SRPK2: variants seen among roughly 807,000 people sequenced by gnomAD.
SRPK2 encodes the protein SRSF protein kinase 2.
Under a neutral mutation model 90.8 loss-of-function variants are expected in SRPK2, and 21 were observed. The ratio of observed to expected loss-of-function variants is 0.23; its 90% confidence interval spans 0.16 to 0.33. SRPK2 has a LOEUF of 0.33. SRPK2 is among the 10% of genes least tolerant of loss of function. SRPK2 has a pLI of 1.00. For synonymous variants in SRPK2, 288 were observed against 311.1 expected (o/e 0.93, Z 0.78); for missense variants, 620 against 869.0 (o/e 0.71, Z 3.60).
At chr7:105,326,215 C>T (rs1563241787) in intron 2 of SRPK2, among the ~76,000 whole-genome samples, 1 of 152,224 alleles carries the variant, frequency 6.6e-6, no homozygotes, top group Admixed American at 6.5e-5. Flanking sequence ...CTGGCCAAGC[C>T]ACATTACAAC....
At position 105,314,355 on chromosome 7, in the gene SRPK2, C is replaced by T. The variant is rs556941290; in HGVS notation, c.71+74293G>A. Among the ~76,000 whole-genome samples, 3 of 151,888 alleles carry T rather than the reference C, an allele frequency of 2.0e-5. No homozygotes were observed. In the South Asian group the frequency reaches 6.2e-4, roughly 32 times the overall value. ...TTGAAAAATAAACTGGCAAATCCTT[C>T]CCAAAGATTACCTGGGCAACATGTT... On this transcript the variant is annotated intron_variant, in intron 2 of 15. Coordinates refer to ENST00000393651, the MANE Select transcript of SRPK2 (RefSeq NM_182692.3).
intron 2 of SRPK2, among the ~76,000 whole-genome samples, chr7:105,369,570 T>C (rs1461351740): frequency 1.3e-5 from 2 of 152,224 alleles, no homozygotes; most frequent in African/African-American, 2.4e-5. Flanking sequence ...CTATACACGA[T>C]GTATTTCATC....
chr7:105,180,754 T>C (rs192931602), intron 3 of SRPK2, among the ~76,000 whole-genome samples: 41 of 152,168 alleles, frequency 2.7e-4, no homozygotes, highest in African/African-American at 9.9e-4. Context: ...CAAGACTTTG[T>C]CTCAACAACA....
At chr7:105,200,562 A>G (rs1795425743) in intron 3 of SRPK2, among the ~76,000 whole-genome samples, 1 of 152,090 alleles carries the variant, frequency 6.6e-6, no homozygotes, top group Admixed American at 6.6e-5. Flanking sequence ...TCTCAAAGTA[A>G]CTCTCAACAA....
chr7:105,281,593 A>G (rs1401159264), intron 2 of SRPK2, among the ~76,000 whole-genome samples: 1 of 151,940 alleles, frequency 6.6e-6, no homozygotes, highest in Non-Finnish European at 1.5e-5. Flanking sequence ...TTAAGGATAT[A>G]ATGCACTATC....
chr7:105,354,366 C>T (rs1212460092), intron 2 of SRPK2, among the ~76,000 whole-genome samples: 1 of 152,200 alleles, frequency 6.6e-6, no homozygotes, highest in East Asian at 1.9e-4. Flanking sequence ...CCACCCTGTA[C>T]TCAGAGATGC....
In SRPK2 at chr7:105,213,917, T is replaced by C. The variant is rs910773811; in HGVS notation, c.72-10132A>G. 2.0e-5 allele frequency among the ~76,000 whole-genome samples: 3 copies of C among 152,330 alleles called. No individual in the cohort carries two copies. The East Asian group carries it at 5.8e-4, about 29-fold the overall frequency. ...CTTTAGATCTAAAGGCATACACAACTACTAATATATAATGGATCAACAAAA... is the reference window on the plus strand; with the variant it reads ...CTTTAGATCTAAAGGCATACACAACCACTAATATATAATGGATCAACAAAA... On this transcript the variant is annotated intron_variant, in intron 2 of 15. Transcript: ENST00000393651.
intron 2 of SRPK2, among the ~76,000 whole-genome samples, chr7:105,220,247 G>A (rs951531069): frequency 6.6e-6 from 1 of 152,160 alleles, no homozygotes; most frequent in Non-Finnish European, 1.5e-5. Flanking sequence ...GATTTTAACA[G>A]TCTAGCTTGT....
intron 2 of SRPK2, among the ~76,000 whole-genome samples, chr7:105,317,314 G>A (rs1204056): frequency 0.72 from 110,196 of 152,114 alleles, 40,445 homozygotes; most frequent in African/African-American, 0.83. Context: ...ATGTAAGGAT[G>A]TTCTTGATGA....
chr7:105,305,466 G>T (rs1294257124), intron 2 of SRPK2, among the ~76,000 whole-genome samples: 1 of 152,090 alleles, frequency 6.6e-6, no homozygotes, highest in East Asian at 1.9e-4. Context: ...CTGCCTACTA[G>T]TTTATTATAA....
intron 2 of SRPK2, among the ~76,000 whole-genome samples, chr7:105,291,814 G>A (rs1240465295): frequency 2.0e-5 from 3 of 152,016 alleles, no homozygotes; most frequent in African/African-American, 7.2e-5. Flanking sequence ...AAAATTAACA[G>A]CATGAATATA....
intron 3 of SRPK2, among the ~76,000 whole-genome samples, chr7:105,170,969 GAAAGAAAGAGAAAGAAAGAAAGAA>G (rs1791005451): frequency 3.9e-5 from 2 of 51,120 alleles, no homozygotes; most frequent in African/African-American, 1.7e-4. Context: ...GAAAGAAAGA[GAAAGAAAGAGAAAGAAAGAAAGAA>G]AGAGAAAGAA....
chr7:105,181,235 T>C (rs1354393005), intron 3 of SRPK2, among the ~76,000 whole-genome samples: 1 of 152,174 alleles, frequency 6.6e-6, no homozygotes, highest in Non-Finnish European at 1.5e-5. Flanking sequence ...GTCAAGGTTG[T>C]GGAGAAAAGG....
chr7:105,360,175 C>A (rs1585880541), intron 2 of SRPK2, among the ~76,000 whole-genome samples: 1 of 152,126 alleles, frequency 6.6e-6, no homozygotes, highest in African/African-American at 2.4e-5. Context: ...GGTTTAAAGT[C>A]TGTTTTATCA....
At chr7:105,280,425 A>G (rs1451322031) in intron 2 of SRPK2, among the ~76,000 whole-genome samples, 2 of 151,962 alleles carry the variant, frequency 1.3e-5, no homozygotes, top group East Asian at 3.8e-4. Flanking sequence ...TGTCTTCAAA[A>G]AAAAAAAAAA....
At chr7:105,149,263 T>G (rs1489844033) in intron 7 of SRPK2, among the ~76,000 whole-genome samples, 1 of 152,204 alleles carries the variant, frequency 6.6e-6, no homozygotes, top group African/African-American at 2.4e-5. Context: ...AGGTGAGACA[T>G]GTTTGCAGTA....
chr7:105,344,952 A>G (rs191206527), intron 2 of SRPK2, among the ~76,000 whole-genome samples: 24 of 152,134 alleles, frequency 1.6e-4, no homozygotes, highest in Admixed American at 1.0e-3. Flanking sequence ...CCTGGCCAAC[A>G]TGGTGAAACC....
intron 14 of SRPK2, among the ~76,000 whole-genome samples, 180 bp from the exon 15 acceptor site, chr7:105,126,520 G>C (rs1485217054): frequency 6.6e-6 from 1 of 152,206 alleles, no homozygotes; most frequent in African/African-American, 2.4e-5. Flanking sequence ...ACCTGGAGCA[G>C]TAACAGTGAC....
At chr7:105,287,759 T>C (rs755348004) in intron 2 of SRPK2, among the ~76,000 whole-genome samples, 5 of 152,056 alleles carry the variant, frequency 3.3e-5, no homozygotes, top group Non-Finnish European at 5.9e-5. Flanking sequence ...AAAAAATAAC[T>C]ATAAAATGAT....
Sources: gnomAD v4.1 joint callset for allele counts (sites outside exome capture counted in the v4.1 genomes callset) on GRCh38, gnomAD v4.1.1 for gene constraint, MANE v1.5 for transcripts, NCBI Gene and HGNC (gene_info 2026-07-23, HGNC 2026-07-21) for gene names.